Variants in EPHA5 observed in about 807,000 individuals in gnomAD.
The protein encoded by EPHA5 is EPH receptor A5.
Under a neutral mutation model 105.0 loss-of-function variants are expected in EPHA5, and 60 were observed. The ratio of observed to expected loss-of-function variants is 0.57; its 90% CI spans 0.46 to 0.71. The LOEUF (loss-of-function observed/expected upper bound fraction) is 0.71. Among genes scored for constraint, EPHA5 ranks in the 30% least tolerant of loss-of-function variants. The pLI, the probability that EPHA5 is intolerant of heterozygous loss-of-function variation, is 0.00. For missense variants in EPHA5, 1,218 were observed against 1,274.7 expected (o/e 0.96, Z 0.68); for synonymous variants, 513 against 449.1 (o/e 1.14, Z -1.80).
At chr4:65,392,600 A>C (rs565007703) in intron 8 of EPHA5, among the ~76,000 whole-genome samples, 1 of 152,274 alleles carries the variant, frequency 6.6e-6, no homozygotes, top group African/African-American at 2.4e-5. Flanking sequence ...TGTCAAAGAA[A>C]TAAAATCAAA....
intron 1 of EPHA5, among the ~76,000 whole-genome samples, chr4:65,646,874 C>T (rs1748154918): frequency 6.6e-6 from 1 of 152,084 alleles, no homozygotes; most frequent in Non-Finnish European, 1.5e-5. Flanking sequence ...ACTAAATTAT[C>T]TTTCACATAA....
intron 5 of EPHA5, among the ~76,000 whole-genome samples, chr4:65,446,908 C>T (rs919036359): frequency 7.3e-5 from 11 of 151,422 alleles, no homozygotes; most frequent in Non-Finnish European, 1.6e-4. Context: ...TATTCTAAGA[C>T]CAACTGGTTA....
At chr4:65,424,942 C>T (rs997353541) in intron 5 of EPHA5, among the ~76,000 whole-genome samples, 3 of 151,964 alleles carry the variant, frequency 2.0e-5, no homozygotes, top group African/African-American at 7.2e-5. Context: ...TCAGCTGTGT[C>T]AAATGGAATA....
At chr4:65,610,606 A>C (rs1434501596) in intron 2 of EPHA5, among the ~76,000 whole-genome samples, 1 of 152,162 alleles carries the variant, frequency 6.6e-6, no homozygotes, top group Non-Finnish European at 1.5e-5. Flanking sequence ...ACTAATAAGA[A>C]CAAATGCAAA....
intron 7 of EPHA5, among the ~76,000 whole-genome samples, chr4:65,407,676 T>C (rs1722493120): frequency 6.6e-6 from 1 of 150,918 alleles, no homozygotes. Flanking sequence ...TTGTTTATTA[T>C]TTTAATTTAA....
chr4:65,595,589 T>TTA (rs68130547), intron 3 of EPHA5, among the ~76,000 whole-genome samples: 1 of 151,408 alleles, frequency 6.6e-6, no homozygotes, highest in Non-Finnish European at 1.5e-5. Context: ...AGATTTTTTT[T>TTA]TTTTTTTTTG....
At chr4:65,457,373 T>A (rs1727702135) in intron 5 of EPHA5, among the ~76,000 whole-genome samples, 1 of 152,170 alleles carries the variant, frequency 6.6e-6, no homozygotes, top group African/African-American at 2.4e-5. Flanking sequence ...AAGCATTGAA[T>A]GATTTGATTG....
At chr4:65,377,408 C>T (rs7697278) in intron 8 of EPHA5, among the ~76,000 whole-genome samples, 75,994 of 151,668 alleles carry the variant, frequency 0.5, 20,444 homozygotes, top group East Asian at 0.77. Context: ...CAGAAATTCC[C>T]TCAAAATTTA....
At chr4:65,402,838 A>G (rs1471819722) in intron 8 of EPHA5, among the ~76,000 whole-genome samples, 1 of 152,130 alleles carries the variant, frequency 6.6e-6, no homozygotes, top group Non-Finnish European at 1.5e-5. Context: ...TTGCAACTTG[A>G]TTATACTATT....
chr4:65,598,625 G>A (rs567765480), intron 3 of EPHA5, among the ~76,000 whole-genome samples: 30 of 152,272 alleles, frequency 2.0e-4, no homozygotes, highest in Middle Eastern at 3.4e-3. Flanking sequence ...AAATTGTTTT[G>A]TGACAAAAGA....
intron 11 of EPHA5, among the ~76,000 whole-genome samples, chr4:65,358,734 T>G (rs1416043515): frequency 6.6e-6 from 1 of 151,594 alleles, no homozygotes; most frequent in East Asian, 1.9e-4. Context: ...AAGTCCTTTG[T>G]AAAATTATAT....
intron 3 of EPHA5, among the ~76,000 whole-genome samples, chr4:65,585,484 A>G (rs1056806631): frequency 2.6e-5 from 4 of 151,982 alleles, no homozygotes; most frequent in African/African-American, 9.6e-5. Flanking sequence ...GTTTTAATTG[A>G]CCTTAAGAGC....
At chr4:65,404,261 C>CT in intron 8 of EPHA5, 113 bp downstream of exon 8, 1 of 722,178 alleles carries the variant, frequency 1.4e-6, no homozygotes, top group Non-Finnish European at 2.4e-6. Flanking sequence ...AGATTATCTG[C>CT]TGATATATTG....
chr4:65,669,914 T>G lies in EPHA5; in HGVS notation c.-172A>C, dbSNP rs761653608. ...GAACCACGGATCCGGCTGAGACAGC[T>G]GAAGTTTGCTTCTGGCTCCTCTCGC... On this transcript the variant is annotated 5_prime_UTR_variant, in exon 1 of 17. Coordinates refer to ENST00000613740, the MANE Select transcript of EPHA5 (RefSeq NM_001281766.3). 9.5e-7 allele frequency: 1 copy of G among 1,049,820 alleles called. No homozygotes were observed. Among genetic ancestry groups the G allele is most frequent in the Non-Finnish European group, 1.2e-6 (1 of 822,702 alleles). 65.0% of individuals were successfully genotyped at this position (1,049,820 alleles called of 1,614,324 possible).
chr4:65,465,178 C>T (rs372262186), intron 5 of EPHA5, among the ~76,000 whole-genome samples: 4 of 151,998 alleles, frequency 2.6e-5, no homozygotes, highest in African/African-American at 7.2e-5. Context: ...TGGCTCACAC[C>T]TGTAATCCTA....
chr4:65,327,705 G>A (rs1187265499), intron 16 of EPHA5, among the ~76,000 whole-genome samples: 1 of 151,214 alleles, frequency 6.6e-6, no homozygotes, highest in African/African-American at 2.4e-5. Flanking sequence ...CAACTAAGTA[G>A]TTTCTTTTGA....
At chr4:65,493,336 T>C (rs1338583999) in intron 4 of EPHA5, among the ~76,000 whole-genome samples, 1 of 152,124 alleles carries the variant, frequency 6.6e-6, no homozygotes, top group Non-Finnish European at 1.5e-5. Flanking sequence ...TTTTGTTTGA[T>C]TTTTTCCTGT....
chr4:65,504,015 A>G (rs1732757735), intron 3 of EPHA5, among the ~76,000 whole-genome samples: 1 of 151,620 alleles, frequency 6.6e-6, no homozygotes, highest in Non-Finnish European at 1.5e-5. Context: ...TATATGTAAT[A>G]TAAATGGTAG....
chr4:65,403,400 C>CTT lies in EPHA5; in HGVS notation c.1793+972_1793+973dup, dbSNP rs75643626. On this transcript the variant is annotated intron_variant, in intron 8 of 16. Coordinates refer to ENST00000613740, the MANE Select transcript of EPHA5 (RefSeq NM_001281766.3). ...TTTTGGACCTTATGGTACATTTTCACTTTTTTTTGCTCAGAAATAAATATT... is the reference window on the plus strand; with the variant it reads ...TTTTGGACCTTATGGTACATTTTCACTTTTTTTTTTGCTCAGAAATAAATATT... 2.8e-3 allele frequency among the ~76,000 whole-genome samples: 425 copies of CTT among 151,096 alleles called. 2 individuals are homozygous for CTT. The highest frequency in any genetic ancestry group is 4.3e-3 in the Non-Finnish European group (290 of 67,778).
Sources: allele counts gnomAD v4.1 joint callset (sites outside exome capture counted in the v4.1 genomes callset), GRCh38; gene constraint gnomAD v4.1.1; transcripts MANE v1.5; gene names NCBI Gene and HGNC (gene_info 2026-07-23, HGNC 2026-07-21).